The following SH3GL2 variants were observed in gnomAD, a reference collection of about 807,000 sequenced individuals.
SH3GL2 encodes the protein endophilin-A1.
A neutral mutation model predicts 46.0 loss-of-function variants in SH3GL2; 24 were observed. The observed-to-expected ratio is 0.52, with a 90% CI of 0.38 to 0.73. The LOEUF is 0.73. SH3GL2 is among the 30% of genes least tolerant of loss of function. The pLI is 0.00. For missense variants in SH3GL2, 413 were observed against 424.2 expected (o/e 0.97, Z 0.23); for synonymous variants, 196 against 147.1 (o/e 1.33, Z -2.40).
At chr9:17,711,581 T>C (rs1222071873) in intron 1 of SH3GL2, among the ~76,000 whole-genome samples, 2 of 151,854 alleles carry the variant, frequency 1.3e-5, no homozygotes, top group Non-Finnish European at 2.9e-5. Context: ...GTATTCCTTT[T>C]TGTCTGACTT....
chr9:17,632,254 C>G (rs1298340116), intron 1 of SH3GL2, among the ~76,000 whole-genome samples: 1 of 152,168 alleles, frequency 6.6e-6, no homozygotes, highest in African/African-American at 2.4e-5. Flanking sequence ...TGTCATACAA[C>G]AACCTATCCA....
chr9:17,580,367 T>G lies in SH3GL2; in HGVS notation c.45+1080T>G, dbSNP rs561190962. ...TTCCTAGGCTACCACAGTGGCAGCC[T>G]TGTTATGAACCACATCCAGAAAAGG... On this transcript the variant is annotated intron_variant, in intron 1 of 8. Coordinates refer to ENST00000380607, the MANE Select transcript of SH3GL2 (RefSeq NM_003026.5). Among the ~76,000 whole-genome samples the G allele has an allele frequency of 3.9e-5, 6 of 152,338 alleles. No homozygotes were observed. In the South Asian group the frequency reaches 1.2e-3, roughly 32 times the overall value.
At chr9:17,626,230 A>G (rs567221635) in intron 1 of SH3GL2, among the ~76,000 whole-genome samples, 120 of 152,286 alleles carry the variant, frequency 7.9e-4, no homozygotes, top group Non-Finnish European at 1.2e-3. Flanking sequence ...TATTGCCTCC[A>G]TATGTCAAGG....
At chr9:17,641,110 C>T (rs1015142371) in intron 1 of SH3GL2, among the ~76,000 whole-genome samples, 1 of 152,106 alleles carries the variant, frequency 6.6e-6, no homozygotes, top group African/African-American at 2.4e-5. Flanking sequence ...TATAAAGGAG[C>T]CTTTTTTGGG....
intron 1 of SH3GL2, among the ~76,000 whole-genome samples, chr9:17,672,909 C>T (rs1820508998): frequency 6.6e-6 from 1 of 152,160 alleles, no homozygotes; most frequent in Admixed American, 6.5e-5. Context: ...ATAGGCCCAA[C>T]TCAAAATGTC....
At chr9:17,767,563 A>G (rs951200098) in intron 3 of SH3GL2, among the ~76,000 whole-genome samples, 1 of 152,216 alleles carries the variant, frequency 6.6e-6, no homozygotes, top group African/African-American at 2.4e-5. Flanking sequence ...GGAGGACAGG[A>G]TAGCTTGTAT....
chr9:17,788,100 A>C (rs1219167276), intron 5 of SH3GL2, among the ~76,000 whole-genome samples: 1 of 152,082 alleles, frequency 6.6e-6, no homozygotes, highest in East Asian at 1.9e-4. Flanking sequence ...ATGTTTGCTC[A>C]CTTTTTTTTA....
intron 2 of SH3GL2, among the ~76,000 whole-genome samples, chr9:17,760,423 CGGTATATATTATATACCGGTATATATT>C (rs930941056): frequency 1.5e-4 from 22 of 151,550 alleles, no homozygotes; most frequent in African/African-American, 5.3e-4. Flanking sequence ...TATTATATAC[CGGTATATATTATATACCGGTATATATT>C]GGTATATACT....
At chr9:17,755,829 G>GA in intron 2 of SH3GL2, 2 of 956,698 alleles carry the variant, frequency 2.1e-6, no homozygotes, top group Non-Finnish European at 2.5e-6. Context: ...CTTCAGGGAA[G>GA]AAAGGTAATA....
intron 1 of SH3GL2, among the ~76,000 whole-genome samples, chr9:17,669,955 T>A (rs1820433196): frequency 6.6e-6 from 1 of 152,164 alleles, no homozygotes; most frequent in South Asian, 2.1e-4. Context: ...GTTGCCATCC[T>A]GTAGTGAAAT....
At chr9:17,642,982 A>G (rs1168229013) in intron 1 of SH3GL2, among the ~76,000 whole-genome samples, 1 of 152,168 alleles carries the variant, frequency 6.6e-6, no homozygotes, top group African/African-American at 2.4e-5. Flanking sequence ...TTTGGGCAGT[A>G]TGGCCATTTT....
chr9:17,778,033 T>G (rs1823694002), intron 3 of SH3GL2, among the ~76,000 whole-genome samples: 1 of 152,050 alleles, frequency 6.6e-6, no homozygotes. Context: ...AGTGCCATAT[T>G]TATACATTTC....
chr9:17,671,248 C>T (rs150388375), intron 1 of SH3GL2, among the ~76,000 whole-genome samples: 2 of 152,230 alleles, frequency 1.3e-5, no homozygotes, highest in Non-Finnish European at 2.9e-5. Flanking sequence ...GATTTTATTG[C>T]TTCCAACTAC....
chr9:17,686,103 AC>A (rs1554639471), intron 1 of SH3GL2, among the ~76,000 whole-genome samples: 2 of 140,076 alleles, frequency 1.4e-5, no homozygotes, highest in Non-Finnish European at 3.0e-5. Context: ...CAAGAAAAAA[AC>A]AACCCCATCA....
At chr9:17,751,479 C>CGTGTGGGTGTGTGTGTGTGT (rs1822842853) in intron 2 of SH3GL2, among the ~76,000 whole-genome samples, 1 of 146,366 alleles carries the variant, frequency 6.8e-6, no homozygotes, top group African/African-American at 2.5e-5. Context: ...TTTGTGTGTG[C>CGTGTGGGTGTGTGTGTGTGT]GTGTGTGTGT....
At chr9:17,639,544 G>T (rs1490443700) in intron 1 of SH3GL2, among the ~76,000 whole-genome samples, 1 of 152,208 alleles carries the variant, frequency 6.6e-6, no homozygotes, top group Non-Finnish European at 1.5e-5. Context: ...GTGACGATGT[G>T]GAGCAACCGG....
intron 1 of SH3GL2, among the ~76,000 whole-genome samples, chr9:17,692,264 A>G (rs187842607): frequency 9.2e-5 from 13 of 140,908 alleles, no homozygotes; most frequent in African/African-American, 2.8e-4. Flanking sequence ...GTGGTATACA[A>G]TGGTATTCTT....
intron 1 of SH3GL2, among the ~76,000 whole-genome samples, chr9:17,630,666 G>C (rs1819400277): frequency 6.6e-6 from 1 of 152,146 alleles, no homozygotes; most frequent in South Asian, 2.1e-4. Flanking sequence ...CAGAGACTAG[G>C]GCAGGCCAAA....
intron 1 of SH3GL2, among the ~76,000 whole-genome samples, chr9:17,659,878 A>G (rs925652314): frequency 6.6e-6 from 1 of 152,230 alleles, no homozygotes; most frequent in African/African-American, 2.4e-5. Flanking sequence ...TTCAATTTTC[A>G]TAAAACTGGG....
Sources: gnomAD v4.1 joint callset for allele counts (sites outside exome capture counted in the v4.1 genomes callset) on GRCh38, gnomAD v4.1.1 for gene constraint, MANE v1.5 for transcripts, NCBI Gene and HGNC (gene_info 2026-07-23, HGNC 2026-07-21) for gene names.